Variants in HOXB6 observed in about 807,000 individuals in gnomAD.
HOXB6 encodes the protein homeobox B6, also known as homeobox protein Hox-B6.
Under a neutral mutation model 24.2 loss-of-function variants are expected in HOXB6, and 18 were observed. The observed-to-expected ratio is 0.74, with a 90% CI of 0.51 to 1.10. The LOEUF (loss-of-function observed/expected upper bound fraction) is 1.10, where lower values mean the gene tolerates loss of function less well. Ranked by LOEUF, HOXB6 falls within the 50% of genes least tolerant of loss-of-function variation. HOXB6 has a pLI of 0.00. For synonymous variants in HOXB6, 159 were observed against 139.1 expected, an observed-to-expected ratio of 1.14 and a Z score of -1.01; for missense variants, 332 against 308.3, an observed-to-expected ratio of 1.08 and a Z score of -0.58.
chr17:48,596,631 A>G lies in HOXB6; in HGVS notation c.457T>C (p.Tyr153His). ...AGCTCCAGCGTCTGGTAACGTGTGT[A>G]TGTCTGGCGGCCTCGCCGGCCGCTG... Reference protein sequence around the residue: ...GPSGRRGRQTYTRYQTLELEK... With the variant: ...GPSGRRGRQTHTRYQTLELEK... Residue 153 changes from tyrosine to histidine, a missense_variant, in exon 4 of 4, where the codon TAC (tyrosine) becomes CAC (histidine). By Grantham distance (83) the Tyr-to-His change is moderately conservative (BLOSUM62 2). Transcript: ENST00000225648. This position sits in a 1 kb window ranked among gnomAD's most constrained non-coding sequence, Gnocchi z 4.8. 5 of 1,613,936 alleles carry G rather than the reference A, an allele frequency of 3.1e-6. No homozygotes were observed. The highest frequency in any genetic ancestry group is 4.2e-6 in the Non-Finnish European group (5 of 1,180,008).
chr17:48,599,093 GAA>G (rs1452302479), intron 2 of HOXB6, among the ~76,000 whole-genome samples: 2 of 152,228 alleles, frequency 1.3e-5, no homozygotes, highest in African/African-American at 4.8e-5. Flanking sequence ...GGGCACTGGG[GAA>G]AGGGACTAGC....
chr17:48,596,016 C>G lies in HOXB6; in HGVS notation c.*397G>C. On this transcript the variant is annotated 3_prime_UTR_variant, in exon 4 of 4. Coordinates refer to ENST00000225648, the MANE Select transcript of HOXB6 (RefSeq NM_018952.5). The surrounding 1 kb of genome is among the most constrained non-coding windows in gnomAD (Gnocchi z 4.8). The stretch of plus-strand genomic sequence containing the variant: ...CTGGGATCAGGGAGTCTTCAAGGCC[C>G]CCGCTGAGGGGACAGCGAATCTACC... 4 of 466,440 alleles carry G rather than the reference C, an allele frequency of 8.6e-6. No homozygotes were observed. Among genetic ancestry groups the G allele is most frequent in the Non-Finnish European group, 1.7e-5 (4 of 233,930 alleles). 28.9% of individuals were successfully genotyped at this position (466,440 alleles called of 1,614,324 possible). A position where few individuals can be genotyped will look rare whatever the true frequency, so the allele number is the denominator to read the frequency against.
intron 2 of HOXB6, among the ~76,000 whole-genome samples, chr17:48,599,536 C>T (rs1340955253): frequency 1.3e-5 from 2 of 152,324 alleles, no homozygotes; most frequent in Non-Finnish European, 2.9e-5. Flanking sequence ...AGCCAGCATC[C>T]CCTCTCCCTT....
chr17:48,603,313 A>G (rs759754531), intron 2 of HOXB6, among the ~76,000 whole-genome samples: 1 of 151,992 alleles, frequency 6.6e-6, no homozygotes, highest in African/African-American at 2.4e-5. Flanking sequence ...CCACCCCACG[A>G]GCTACTTTAG....
chr17:48,604,837 C>G (rs1040778854), intron 1 of HOXB6, 25 bp downstream of exon 1: 2 of 151,838 alleles, frequency 1.3e-5, no homozygotes, highest in African/African-American at 2.4e-5. Flanking sequence ...CTCTCCCTCT[C>G]GCGCTCTCTC....
At chr17:48,600,631 G>A (rs1216819599) in intron 2 of HOXB6, 2 of 438,094 alleles carry the variant, frequency 4.6e-6, no homozygotes, top group Non-Finnish European at 9.2e-6. Context: ...ACTCCTTTCT[G>A]GAGCCAGATC....
rs955902579 is a variant in HOXB6, at chr17:48,597,395, G to A, written c.415+341C>T. Among the ~76,000 whole-genome samples, 59 of 152,248 alleles carry A rather than the reference G, an allele frequency of 3.9e-4. 2 individuals carry two copies. Among genetic ancestry groups the A allele is most frequent in the Admixed American group, 2.0e-4 (3 of 15,304 alleles). ...TGGTTGGGGAACCCTACCAGGGCTGGGAGAGGGGGGTTGGGGGCTCAAAGT... is the reference window on the plus strand; with the variant it reads ...TGGTTGGGGAACCCTACCAGGGCTGAGAGAGGGGGGTTGGGGGCTCAAAGT... On this transcript the variant is annotated intron_variant, in intron 3 of 3. Coordinates refer to ENST00000225648, the MANE Select transcript of HOXB6 (RefSeq NM_018952.5).
chr17:48,597,269 A>C, intron 3 of HOXB6: 1 of 211,370 alleles, frequency 4.7e-6, no homozygotes, highest in African/African-American at 2.3e-5. Context: ...CCAGCTCCCC[A>C]CCCACAGGGA....
At position 48,597,829 on chromosome 17, in the gene HOXB6, A is replaced by G; in HGVS notation, c.322T>C (p.Cys108Arg). ...CCGAACACGCTCTTGTCCTGCGCGC[A>G]GTCCGACTTCCGCGGCTCGGGGTGG... The part of the protein sequence containing the change: ...PFHPEPRKSD[C>R]AQDKSVFGET... The change falls in exon 3 of 4, where the codon TGC becomes CGC. Residue 108 changes from cysteine (C) to arginine (R), a missense_variant. Physicochemically the swap from Cys to Arg is radical, Grantham distance 180. Transcript: ENST00000225648. The G allele has an allele frequency of 1.9e-6, 3 of 1,604,742 alleles. No homozygotes were observed. The highest frequency in any genetic ancestry group is 2.6e-6 in the Non-Finnish European group (3 of 1,175,052).
At chr17:48,602,299 G>C (rs1446604587) in intron 2 of HOXB6, 2 of 449,418 alleles carry the variant, frequency 4.5e-6, no homozygotes. Flanking sequence ...CCCTCCCTTG[G>C]CTGAGAAGAA....
chr17:48,603,874 G>T (rs937877516), intron 2 of HOXB6: 1 of 152,602 alleles, frequency 6.6e-6, no homozygotes, highest in African/African-American at 2.4e-5. Flanking sequence ...AAATGTCTCC[G>T]AAGGGAGATA....
chr17:48,596,554 C>G lies in HOXB6; in HGVS notation c.534G>C (p.Glu178Asp). The change falls in exon 4 of 4, where the codon GAG becomes GAC. Residue 178 changes from glutamate to aspartate, a missense_variant. Transcript: ENST00000225648. This position sits in a 1 kb window ranked among gnomAD's most constrained non-coding sequence, Gnocchi z 4.8. ...NRYLTRRRRI[E>D]IAHALCLTER... ...CCGTCAGGCACAGGGCGTGCGCGAT[C>G]TCGATGCGCCGCCGCCGCGTCAGGT... 2 of 1,614,278 alleles carry G rather than the reference C, an allele frequency of 1.2e-6. No individual in the cohort carries two copies. Among genetic ancestry groups the G allele is most frequent in the Non-Finnish European group, 1.7e-6 (2 of 1,180,054 alleles).
chr17:48,600,647 G>A (rs1229977906), intron 2 of HOXB6: 7 of 420,738 alleles, frequency 1.7e-5, no homozygotes, highest in East Asian at 1.4e-4. Flanking sequence ...AGATCCCTAC[G>A]AATCTGTCTG....
At chr17:48,597,523 A>C (rs1228300435) in intron 3 of HOXB6, among the ~76,000 whole-genome samples, 1 of 152,146 alleles carries the variant, frequency 6.6e-6, no homozygotes, top group Non-Finnish European at 1.5e-5. Flanking sequence ...CATGGCTCCC[A>C]GTGCGGCTGG....
chr17:48,598,580 T>C (rs977813491), intron 2 of HOXB6, among the ~76,000 whole-genome samples: 1 of 151,894 alleles, frequency 6.6e-6, no homozygotes, highest in Non-Finnish European at 1.5e-5. Context: ...AATATGTCTC[T>C]CCCCCACCCC....
chr17:48,597,744 G>C lies in HOXB6; in HGVS notation c.407C>G (p.Ser136Trp). Residue 136 changes from serine to tryptophan, a missense_variant, in exon 3 of 4, where the codon TCG becomes TGG. Ser to Trp is a radical substitution (Grantham distance 177). Coordinates refer to ENST00000225648, the MANE Select transcript of HOXB6 (RefSeq NM_018952.5). ...CGGGAAGTCTCACTCACTGTTGCAC[G>C]AATTCATCCGCTGCATCCACGGGTA... ...PVYPWMQRMN[S>W]CNSSSFGPSG... 3.1e-6 allele frequency: 5 copies of C among 1,612,906 alleles called. No individual in the cohort carries two copies. Among genetic ancestry groups the C allele is most frequent in the Non-Finnish European group, 4.2e-6 (5 of 1,179,532 alleles).
chr17:48,603,222 C>T (rs1316115748), intron 2 of HOXB6, among the ~76,000 whole-genome samples: 2 of 152,230 alleles, frequency 1.3e-5, no homozygotes, highest in Non-Finnish European at 2.9e-5. Context: ...CAGCCAACAT[C>T]ACTTATCTCT....
At chr17:48,601,896 G>T (rs369108352) in intron 2 of HOXB6, 1 of 310,378 alleles carries the variant, frequency 3.2e-6, no homozygotes, top group Non-Finnish European at 6.4e-6. Context: ...CGTGAGACAG[G>T]GGCCAATATT....
Position 48,596,514 on chromosome 17 carries a change from T to C in HOXB6, c.574A>G (p.Ile192Val), listed in dbSNP as rs751028781. 6.2e-7 allele frequency: 1 copy of C among 1,614,232 alleles called. No homozygotes were observed. The highest frequency in any genetic ancestry group is 8.5e-7 in the Non-Finnish European group (1 of 1,180,034). The stretch of plus-strand genomic sequence containing the variant: ...TTCATGCGTCGGTTCTGGAACCATA[T>C]CTTGATCTGCCTCTCCGTCAGGCAC... ...ALCLTERQIK[I>V]WFQNRRMKWK... is the part of the protein sequence containing the mutation. The change falls in exon 4 of 4, where the codon ATA (isoleucine) becomes GTA (valine). Residue 192 changes from isoleucine (I) to valine (V), a missense_variant. Ile to Val is a conservative substitution (Grantham distance 29). Transcript: ENST00000225648. This position sits in a 1 kb window ranked among gnomAD's most constrained non-coding sequence, Gnocchi z 4.8.
Sources: gnomAD v4.1 joint callset for allele counts (sites outside exome capture counted in the v4.1 genomes callset) on GRCh38, gnomAD v4.1.1 for gene constraint, Gnocchi (gnomAD v3.1) non-coding constraint, MANE v1.5 for transcripts, NCBI Gene and HGNC (gene_info 2026-07-23, HGNC 2026-07-21) for gene names.